Variants in TAOK3 observed in about 807,000 individuals in gnomAD.
TAOK3 encodes serine/threonine-protein kinase TAO3.
In TAOK3, 40 loss-of-function variants were observed where a neutral mutation model predicts 120.4. The ratio of observed to expected loss-of-function variants is 0.33; its 90% CI spans 0.26 to 0.43. The LOEUF is 0.43. Among genes scored for constraint, TAOK3 ranks in the 20% least tolerant of loss-of-function variants. TAOK3 has a pLI of 1.00. For synonymous variants in TAOK3, 355 were observed against 387.5 expected, an observed-to-expected ratio of 0.92 and a Z score of 0.99; for missense variants, 821 against 1,112.1, an observed-to-expected ratio of 0.74 and a Z score of 3.72.
At chr12:118,164,263 C>G (rs1201511333) in intron 17 of TAOK3, among the ~76,000 whole-genome samples, 1 of 150,478 alleles carries the variant, frequency 6.6e-6, no homozygotes, top group Non-Finnish European at 1.5e-5. Flanking sequence ...GGAGGCGTAG[C>G]TTGCAGGGAG....
At chr12:118,275,502 T>C (rs1048430649) in intron 1 of TAOK3, among the ~76,000 whole-genome samples, 3 of 152,228 alleles carry the variant, frequency 2.0e-5, no homozygotes, top group African/African-American at 7.2e-5. Flanking sequence ...AAACTTTATG[T>C]AACTATAATA....
chr12:118,190,000 CCTCT>C, intron 13 of TAOK3, 59 bp from the exon 14 acceptor site: 2 of 1,600,082 alleles, frequency 1.2e-6, no homozygotes, highest in Non-Finnish European at 1.7e-6. Flanking sequence ...TCGCCGGCTG[CCTCT>C]CTCTCACCCC....
At chr12:118,257,028 T>G (rs1171106186) in intron 2 of TAOK3, among the ~76,000 whole-genome samples, 1 of 152,210 alleles carries the variant, frequency 6.6e-6, no homozygotes, top group South Asian at 2.1e-4. Flanking sequence ...TTATATATAT[T>G]ATCTCCTTTA....
At position 118,181,381 on chromosome 12, in the gene TAOK3, A is replaced by G. The variant is rs771844168; in HGVS notation, c.1556T>C (p.Ile519Thr). 2 of 1,613,704 alleles carry G rather than the reference A, an allele frequency of 1.2e-6. No individual in the cohort carries two copies. The highest frequency in any genetic ancestry group is 1.1e-5 in the South Asian group (1 of 91,026). The change falls in exon 15 of 21, where the codon ATA (isoleucine) becomes ACA (threonine). Residue 519 changes from isoleucine to threonine, a missense_variant. By Grantham distance (89) the Ile-to-Thr change is moderately conservative (BLOSUM62 -1). Around this residue, in one of 2 missense-constraint regions of TAOK3, gnomAD observed 354 missense variants for 572.1 expected, o/e 0.62. Transcript: ENST00000392533. ...TGTGCACATACTGACCTCCTTTTCT[A>G]TGATAGCCACTTGCTTCTTGGCCAG... is the stretch of plus-strand genomic sequence containing the variant. The part of the protein sequence containing the change: ...EKLAKKQVAI[I>T]EKEAKVAAAD...
At chr12:118,274,777 T>A (rs2041848017) in intron 1 of TAOK3, among the ~76,000 whole-genome samples, 1 of 150,686 alleles carries the variant, frequency 6.6e-6, no homozygotes, top group East Asian at 1.9e-4. Context: ...TACAGGCACG[T>A]GCGACCACAC....
chr12:118,152,583 C>T (rs2034528185), intron 19 of TAOK3, 174 bp from the exon 20 acceptor site: 2 of 602,798 alleles, frequency 3.3e-6, no homozygotes, highest in South Asian at 4.3e-5. Context: ...ACAGTCAAGT[C>T]TGCCCAATGG....
intron 1 of TAOK3, among the ~76,000 whole-genome samples, chr12:118,363,525 A>C (rs2045660779): frequency 6.6e-6 from 1 of 152,186 alleles, no homozygotes; most frequent in Non-Finnish European, 1.5e-5. Flanking sequence ...AATAAGAAAA[A>C]GTACAAATCA....
intron 1 of TAOK3, among the ~76,000 whole-genome samples, chr12:118,272,494 C>A (rs2041749041): frequency 6.6e-6 from 1 of 151,848 alleles, no homozygotes. Flanking sequence ...ATCCTGGAGC[C>A]AGTGAATTCG....
At position 118,152,137 on chromosome 12, in the gene TAOK3, T is replaced by G. The variant is rs2034491035; in HGVS notation, c.2535+90A>C. On this transcript the variant is annotated intron_variant, in intron 20 of 20. Transcript: ENST00000392533. ...TAAGTGAAAAGTGCCCAGTTTAATCTCTAACTAAGGAAGGCTGCATATATG... is the reference window on the plus strand; with the variant it reads ...TAAGTGAAAAGTGCCCAGTTTAATCGCTAACTAAGGAAGGCTGCATATATG... The G allele has an allele frequency of 3.1e-6, 4 of 1,271,972 alleles. No individual in the cohort carries two copies. In the Admixed American group the frequency reaches 6.3e-5, roughly 20 times the overall value. The allele number at this position is 1,271,972 out of a possible 1,614,324, so 78.8% of individuals were successfully genotyped here. A position where few individuals can be genotyped will look rare whatever the true frequency, so the allele number is the denominator to read the frequency against.
intron 1 of TAOK3, among the ~76,000 whole-genome samples, chr12:118,305,170 C>A (rs915149031): frequency 2.0e-5 from 3 of 152,104 alleles, no homozygotes; most frequent in African/African-American, 7.2e-5. Flanking sequence ...AGGTGGCATG[C>A]ATAGAATAAG....
intron 1 of TAOK3, among the ~76,000 whole-genome samples, chr12:118,300,916 T>C (rs1292297749): frequency 2.0e-5 from 3 of 152,046 alleles, no homozygotes; most frequent in African/African-American, 4.8e-5. Context: ...ACTGGGACTA[T>C]AGGCATGTGC....
At chr12:118,263,673 T>C (rs982010443) in intron 2 of TAOK3, among the ~76,000 whole-genome samples, 1 of 152,166 alleles carries the variant, frequency 6.6e-6, no homozygotes, top group African/African-American at 2.4e-5. Flanking sequence ...ATTTTTTTAA[T>C]GGACAAAAGA....
At chr12:118,308,931 CAAAAAAAAAAA>C (rs60574584) in intron 1 of TAOK3, among the ~76,000 whole-genome samples, 1 of 30,080 alleles carries the variant, frequency 3.3e-5, no homozygotes, top group Non-Finnish European at 6.6e-5. Context: ...ACTCTGTCTC[CAAAAAAAAAAA>C]AAAAAAAAAA....
intron 2 of TAOK3, among the ~76,000 whole-genome samples, chr12:118,259,542 A>AAAAC (rs1230376992): frequency 2.0e-5 from 3 of 152,192 alleles, no homozygotes; most frequent in Non-Finnish European, 4.4e-5. Context: ...CCTATCTCAA[A>AAAAC]AAACAAACAA....
intron 1 of TAOK3, among the ~76,000 whole-genome samples, chr12:118,332,509 A>G (rs1229361202): frequency 1.3e-5 from 2 of 152,324 alleles, no homozygotes; most frequent in African/African-American, 2.4e-5. Flanking sequence ...GGACATCTCC[A>G]TGGCACCTAT....
intron 13 of TAOK3, among the ~76,000 whole-genome samples, chr12:118,195,726 T>C (rs924167005): frequency 2.6e-5 from 4 of 152,172 alleles, no homozygotes; most frequent in African/African-American, 9.7e-5. Flanking sequence ...AATATGCCTT[T>C]AGCCTTATCA....
intron 13 of TAOK3, among the ~76,000 whole-genome samples, chr12:118,195,633 T>G (rs1256793218): frequency 6.6e-6 from 1 of 152,150 alleles, no homozygotes; most frequent in African/African-American, 2.4e-5. Flanking sequence ...TCTAGAGATG[T>G]GGTGATGTTC....
intron 1 of TAOK3, among the ~76,000 whole-genome samples, chr12:118,305,604 T>C (rs1420484272): frequency 6.6e-6 from 1 of 152,214 alleles, no homozygotes; most frequent in African/African-American, 2.4e-5. Flanking sequence ...TACTATTTTA[T>C]GCATGTCAAA....
intron 9 of TAOK3, among the ~76,000 whole-genome samples, chr12:118,214,432 T>C (rs2038781168): frequency 6.6e-6 from 1 of 152,176 alleles, no homozygotes; most frequent in Non-Finnish European, 1.5e-5. Flanking sequence ...GATCTTTGCA[T>C]GTGCGTTTTA....
Sources: gnomAD v4.1 joint callset for allele counts (sites outside exome capture counted in the v4.1 genomes callset) on GRCh38, gnomAD v4.1.1 for gene constraint, gnomAD v4.1.1 regional missense constraint, MANE v1.5 for transcripts, NCBI Gene and HGNC (gene_info 2026-07-23, HGNC 2026-07-21) for gene names.